ALDH6A1: variants seen among roughly 807,000 people sequenced by gnomAD.
ALDH6A1 encodes methylmalonate-semialdehyde/malonate-semialdehyde dehydrogenase [acylating], mitochondrial.
In ALDH6A1, 43 loss-of-function variants were observed where a neutral mutation model predicts 62.6. The ratio of observed to expected loss-of-function variants is 0.69; its 90% CI spans 0.54 to 0.89. ALDH6A1 has a LOEUF of 0.89. Among genes scored for constraint, ALDH6A1 ranks in the 40% least tolerant of loss-of-function variants. The pLI, the probability that ALDH6A1 is intolerant of heterozygous loss-of-function variation, is 0.00. For missense variants in ALDH6A1, 551 were observed against 661.3 expected, an observed-to-expected ratio of 0.83 and a Z score of 1.83; for synonymous variants, 194 against 234.2, an observed-to-expected ratio of 0.83 and a Z score of 1.57.
chr14:74,083,949 G>C (rs1269945597), intron 1 of ALDH6A1, among the ~76,000 whole-genome samples: 2 of 152,172 alleles, frequency 1.3e-5, no homozygotes, highest in Non-Finnish European at 2.9e-5. Flanking sequence ...GCTCACGGCA[G>C]GGGACAGAGT....
chr14:74,056,959 G>A lies in ALDH6A1; in HGVS notation c.*3683C>T. ...GTTCCAGACTATGTTGTTTCTGACAGTGGGGAAACAAAGGAATTTGGGTAA... is the reference window on the plus strand; with the variant it reads ...GTTCCAGACTATGTTGTTTCTGACAATGGGGAAACAAAGGAATTTGGGTAA... On this transcript the variant is annotated 3_prime_UTR_variant, in exon 12 of 12. Transcript: ENST00000553458. 1.9e-6 allele frequency: 3 copies of A among 1,613,646 alleles called. No homozygotes were observed. The highest frequency in any genetic ancestry group is 2.5e-6 in the Non-Finnish European group (3 of 1,179,746).
At chr14:74,068,764 T>G in intron 7 of ALDH6A1, 96 bp downstream of exon 7, 1 of 1,393,394 alleles carries the variant, frequency 7.2e-7, no homozygotes, top group Non-Finnish European at 1.0e-6. Flanking sequence ...AACACTGACA[T>G]TGGAGTGGGA....
chr14:74,080,966 C>A (rs1488845253), intron 1 of ALDH6A1: 1 of 152,292 alleles, frequency 6.6e-6, no homozygotes, highest in Admixed American at 6.5e-5. Context: ...TATGCTCCTG[C>A]AATTTAACGT....
intron 2 of ALDH6A1, among the ~76,000 whole-genome samples, chr14:74,073,075 C>T (rs907310273): frequency 3.3e-5 from 5 of 152,228 alleles, no homozygotes; most frequent in African/African-American, 9.6e-5. Flanking sequence ...GCTAGGATTA[C>T]AGGCGTGAGC....
chr14:74,059,084 C>T lies in ALDH6A1; in HGVS notation c.*1558G>A, dbSNP rs112066320. On this transcript the variant is annotated 3_prime_UTR_variant, in exon 12 of 12. Transcript: ENST00000553458. ...GGGCAACAAGAGTGAAACTCCATCT[C>T]AAAAAAAAAAAAAAAAAAAAAAGCG... 8.2e-4 allele frequency: 41 copies of T among 49,754 alleles called. No individual in the cohort carries two copies. Among genetic ancestry groups the T allele is most frequent in the African/African-American group, 3.5e-3 (40 of 11,290 alleles). 3.1% of individuals were successfully genotyped at this position (49,754 alleles called of 1,614,324 possible).
At chr14:74,071,095 C>G (rs2060542699) in intron 6 of ALDH6A1, 100 bp downstream of exon 6, 1 of 1,161,810 alleles carries the variant, frequency 8.6e-7, no homozygotes, top group Non-Finnish European at 1.3e-6. Flanking sequence ...ATCCTTTCCT[C>G]CTTACAAGTA....
chr14:74,059,488 G>T lies in ALDH6A1; in HGVS notation c.*1154C>A. 2.3e-6 allele frequency: 1 copy of T among 429,174 alleles called. No homozygotes were observed. The highest frequency in any genetic ancestry group is 1.7e-5 in the South Asian group (1 of 59,876). 26.6% of individuals were successfully genotyped at this position (429,174 alleles called of 1,614,324 possible). ...AGGCAGGCGGATCACCTGAGGTCAG[G>T]AGTTCGAGACCAGCCTGACCAACAC... On this transcript the variant is annotated 3_prime_UTR_variant, in exon 12 of 12. Transcript: ENST00000553458.
rs904937692 is a variant in ALDH6A1, at chr14:74,071,295, T to C, written c.630A>G (p.Pro210=). 2 of 1,614,144 alleles carry C rather than the reference T, an allele frequency of 1.2e-6. No individual in the cohort carries two copies. Among genetic ancestry groups the C allele is most frequent in the Admixed American group, 1.7e-5 (1 of 60,012 alleles). ...TAGTTGCTCCAGGGACTCGCTCAGA[T>C]GGTTTCATTAGGAAGGTATTTCCAC... ...MVCGNTFLMK[P]SERVPGATML... is the part of the protein sequence containing the mutation. The change falls in exon 6 of 12, where the codon CCA becomes CCG. Residue 210 remains proline (P), a synonymous_variant. Transcript: ENST00000553458.
At position 74,059,176 on chromosome 14, in the gene ALDH6A1, T is replaced by C; in HGVS notation, c.*1466A>G. The C allele has an allele frequency of 4.4e-6, 1 of 227,840 alleles. No individual in the cohort carries two copies. The highest frequency in any genetic ancestry group is 4.7e-5 in the South Asian group (1 of 21,338). The allele number at this position is 227,840 out of a possible 1,614,324, so 14.1% of individuals were successfully genotyped here. On this transcript the variant is annotated 3_prime_UTR_variant, in exon 12 of 12. Transcript: ENST00000553458. Reference sequence around the variant, plus strand: ...ATTTTTTTTTAACCACTTTATGTCATGGAAAGCTTCGAAATTTCTTAGGCC... The same window carrying C: ...ATTTTTTTTTAACCACTTTATGTCACGGAAAGCTTCGAAATTTCTTAGGCC...
intron 1 of ALDH6A1, among the ~76,000 whole-genome samples, chr14:74,076,623 A>G (rs1377482480): frequency 6.6e-6 from 1 of 151,306 alleles, no homozygotes; most frequent in African/African-American, 2.4e-5. Context: ...TGCAACCTCC[A>G]CCTCCTGGGT....
chr14:74,064,599 C>T, intron 11 of ALDH6A1: 1 of 1,271,554 alleles, frequency 7.9e-7, no homozygotes. Flanking sequence ...TAGACTTCCC[C>T]ATGCTCTTTC....
At chr14:74,074,880 G>A in intron 2 of ALDH6A1, 75 bp downstream of exon 2, 1 of 1,437,586 alleles carries the variant, frequency 7.0e-7, no homozygotes, top group East Asian at 2.3e-5. Context: ...TGACAATTAT[G>A]TAAAGAAGAT....
At chr14:74,060,825 AT>A in intron 11 of ALDH6A1, 79 bp from the exon 12 acceptor site, 1 of 979,924 alleles carries the variant, frequency 1.0e-6, no homozygotes, top group Non-Finnish European at 1.6e-6. Flanking sequence ...TGAAGGAGGT[AT>A]TATAAAGTGC....
intron 1 of ALDH6A1, chr14:74,080,962 C>T (rs2060662888): frequency 6.6e-6 from 1 of 152,278 alleles, no homozygotes; most frequent in Non-Finnish European, 1.5e-5. Flanking sequence ...TCTCTATGCT[C>T]CTGCAATTTA....
In ALDH6A1 at chr14:74,065,295, T is replaced by C; in HGVS notation, c.1290A>G (p.Thr430=). The C allele has an allele frequency of 1.2e-6, 2 of 1,614,188 alleles. No homozygotes were observed. The highest frequency in any genetic ancestry group is 1.7e-6 in the Non-Finnish European group (2 of 1,180,030). Residue 430 remains threonine, a synonymous_variant, in exon 10 of 12, where the codon ACA becomes ACG. Transcript: ENST00000553458. The stretch of plus-strand genomic sequence containing the variant: ...TTACAATCTGGATGGCTTCATCCAA[T>C]GTTTCTGTCTCCAGAACCACAAGAA... ...GPVLVVLETE[T]LDEAIQIVNN... is the part of the protein sequence containing the mutation.
rs988673087 is a variant in ALDH6A1, at chr14:74,057,463, G to A, written c.*3179C>T. 2.1e-5 allele frequency: 31 copies of A among 1,450,916 alleles called. No homozygotes were observed. The highest frequency in any genetic ancestry group is 2.6e-5 in the Non-Finnish European group (29 of 1,104,580). The allele number at this position is 1,450,916 out of a possible 1,614,324, so 89.9% of individuals were successfully genotyped here. A position where few individuals can be genotyped will look rare whatever the true frequency, so the allele number is the denominator to read the frequency against. Reference sequence around the variant, plus strand: ...ATTATACTAATGCAAATGCAAATGTGTGCCTCTTTTTGTGTAGAAACCTAT... The same window carrying A: ...ATTATACTAATGCAAATGCAAATGTATGCCTCTTTTTGTGTAGAAACCTAT... On this transcript the variant is annotated 3_prime_UTR_variant, in exon 12 of 12. Coordinates refer to ENST00000553458, the MANE Select transcript of ALDH6A1 (RefSeq NM_005589.4).
intron 1 of ALDH6A1, among the ~76,000 whole-genome samples, chr14:74,077,791 C>T (rs1178445018): frequency 1.3e-5 from 2 of 152,156 alleles, no homozygotes; most frequent in African/African-American, 4.8e-5. Flanking sequence ...CACCTGGGTA[C>T]TTATCTGTTA....
At chr14:74,080,690 G>T (rs1207293755) in intron 1 of ALDH6A1, among the ~76,000 whole-genome samples, 1 of 152,096 alleles carries the variant, frequency 6.6e-6, no homozygotes, top group Non-Finnish European at 1.5e-5. Flanking sequence ...CGATCCTCCT[G>T]CCTGGGCCAC....
intron 11 of ALDH6A1, among the ~76,000 whole-genome samples, chr14:74,063,189 TC>T (rs1248587899): frequency 7.0e-6 from 1 of 142,930 alleles, no homozygotes; most frequent in Non-Finnish European, 1.6e-5. Flanking sequence ...TAATAATTCT[TC>T]TTTTTTTTTT....
Sources: allele counts gnomAD v4.1 joint callset (sites outside exome capture counted in the v4.1 genomes callset), GRCh38; gene constraint gnomAD v4.1.1; transcripts MANE v1.5; gene names NCBI Gene and HGNC (gene_info 2026-07-23, HGNC 2026-07-21).